Variants in CFAP74 observed in about 807,000 individuals in gnomAD.
The protein encoded by CFAP74 is cilia- and flagella-associated protein 74.
A neutral mutation model predicts 188.9 loss-of-function variants in CFAP74; 124 were observed. The ratio of observed to expected loss-of-function variants is 0.66; its 90% CI spans 0.57 to 0.76. The LOEUF is 0.76. Ranked by LOEUF, CFAP74 falls within the 30% of genes least tolerant of loss-of-function variation. CFAP74 has a pLI of 0.00. For synonymous variants in CFAP74, 956 were observed against 916.7 expected, an observed-to-expected ratio of 1.04 and a Z score of -0.77; for missense variants, 2,198 against 2,165.2, an observed-to-expected ratio of 1.02 and a Z score of -0.30.
In CFAP74 at chr1:1,986,977, C is replaced by G; in HGVS notation, c.355G>C (p.Val119Leu). 1 of 1,601,922 alleles carries G rather than the reference C, an allele frequency of 6.2e-7. No individual in the cohort carries two copies. The highest frequency in any genetic ancestry group is 8.5e-7 in the Non-Finnish European group (1 of 1,179,720). ...TCCTCTGTGGCGATCTCGGCTGCCA[C>G]AGCCTCCTGCTGCTTGTCGATCAGG... ...RDLIDKQQEAVAAEIATEEEA... is the reference protein window; with the variant it reads ...RDLIDKQQEALAAEIATEEEA... Residue 119 changes from valine (V) to leucine (L), a missense_variant, in exon 5 of 39, where the codon GTG (valine) becomes CTG (leucine). Transcript: ENST00000682832.
intron 1 of CFAP74, among the ~76,000 whole-genome samples, chr1:2,001,595 G>T (rs1022800533): frequency 6.6e-6 from 1 of 152,130 alleles, no homozygotes; most frequent in African/African-American, 2.4e-5. Context: ...CAAAGTGCTG[G>T]GATTACAGGC....
At chr1:1,966,130 G>A (rs1178321549) in intron 12 of CFAP74, among the ~76,000 whole-genome samples, 1 of 152,204 alleles carries the variant, frequency 6.6e-6, no homozygotes, top group African/African-American at 2.4e-5. Flanking sequence ...GTCTGTCAGG[G>A]GGAGCTTGGG....
chr1:1,946,991 TC>T lies in CFAP74; in HGVS notation c.2239del (p.Glu747ArgfsTer2). The T allele has an allele frequency of 2.6e-6, 4 of 1,534,662 alleles. No individual in the cohort carries two copies. Among genetic ancestry groups the T allele is most frequent in the Non-Finnish European group, 3.5e-6 (4 of 1,145,684 alleles). The part of the protein sequence containing the change: ...SEEQTEITLG[E>X]VTEGEIGPFS... ...ATTTTAGGGCCTGAGCTGGCTGACC[TC>T]CCCCAGCGTGATCTCCGTCTGCTCT... is the stretch of plus-strand genomic sequence containing the variant. On this transcript the variant is annotated frameshift_variant and splice_region_variant, in exon 19 of 39. Coordinates refer to ENST00000682832, the MANE Select transcript of CFAP74 (RefSeq NM_001304360.2). LOFTEE classifies it high-confidence loss of function.
At chr1:1,922,874 C>T (rs559859113) in intron 37 of CFAP74, 111 bp downstream of exon 37, 37 of 1,491,026 alleles carry the variant, frequency 2.5e-5, no homozygotes, top group South Asian at 6.7e-5. Flanking sequence ...GAGAAAAGCC[C>T]GGCTGTCAGG....
rs1283099694 is a variant in CFAP74, at chr1:1,924,534, G to A, written c.4105-14C>T. On this transcript the variant is annotated splice_polypyrimidine_tract_variant and intron_variant, in intron 33 of 38. Coordinates refer to ENST00000682832, the MANE Select transcript of CFAP74 (RefSeq NM_001304360.2). ...GTTGTTCTGCAGCTGCAGAGAGCAG[G>A]CCGCGGTCACTGCCCGCCAGCCCCT... 6.3e-7 allele frequency: 1 copy of A among 1,598,486 alleles called. No homozygotes were observed. Among genetic ancestry groups the A allele is most frequent in the African/African-American group, 1.3e-5 (1 of 74,322 alleles).
intron 1 of CFAP74, among the ~76,000 whole-genome samples, chr1:1,993,855 G>T (rs976242617): frequency 6.6e-6 from 1 of 150,702 alleles, no homozygotes; most frequent in Non-Finnish European, 1.5e-5. Flanking sequence ...GGTGGCGGGC[G>T]CCTATAGTCC....
intron 8 of CFAP74, among the ~76,000 whole-genome samples, chr1:1,972,379 C>T (rs1025943841): frequency 3.9e-5 from 6 of 152,332 alleles, no homozygotes; most frequent in South Asian, 2.1e-4. Flanking sequence ...AAGGTGCTGG[C>T]GCAGAGGCCG....
intron 1 of CFAP74, among the ~76,000 whole-genome samples, chr1:2,000,403 T>G (rs145634070): frequency 2.2e-3 from 334 of 152,292 alleles, no homozygotes; most frequent in Non-Finnish European, 4.0e-3. Context: ...GAGATCATCC[T>G]GCCTATGGCA....
At chr1:1,993,787 C>A (rs903695614) in intron 1 of CFAP74, among the ~76,000 whole-genome samples, 7 of 10,472 alleles carry the variant, frequency 6.7e-4, no homozygotes, top group Non-Finnish European at 1.4e-3. Flanking sequence ...TCGAGACCAT[C>A]CTGGCTAACA....
chr1:1,996,123 T>C (rs1657902796), intron 1 of CFAP74, among the ~76,000 whole-genome samples: 1 of 152,018 alleles, frequency 6.6e-6, no homozygotes, highest in Non-Finnish European at 1.5e-5. Flanking sequence ...CAGCTGGGAT[T>C]ACAGGCACAG....
At chr1:1,993,897 G>T (rs1469290377) in intron 1 of CFAP74, among the ~76,000 whole-genome samples, 10 of 150,930 alleles carry the variant, frequency 6.6e-5, no homozygotes, top group Non-Finnish European at 1.2e-4. Context: ...CAGGAGAATG[G>T]CGTGAACCCG....
intron 25 of CFAP74, among the ~76,000 whole-genome samples, chr1:1,935,638 G>A (rs923436880): frequency 3.9e-5 from 6 of 151,968 alleles, no homozygotes; most frequent in African/African-American, 9.7e-5. Flanking sequence ...TGACAGTGAC[G>A]GGCTCTGGGG....
At chr1:1,949,786 C>A (rs536738906) in intron 18 of CFAP74, among the ~76,000 whole-genome samples, 8 of 152,228 alleles carry the variant, frequency 5.3e-5, no homozygotes, top group Admixed American at 5.2e-4. Flanking sequence ...CAGTCTTTTG[C>A]GTCTGAGTTC....
In CFAP74 at chr1:1,922,252, G is replaced by A. The variant is rs1651438547; in HGVS notation, c.*35C>T. ...TCAGCCTGGGGAGGGCTTTGAGGGT[G>A]GACAGGAGGGCCCGAGGGTGCTCTG... On this transcript the variant is annotated 3_prime_UTR_variant, in exon 39 of 39. Coordinates refer to ENST00000682832, the MANE Select transcript of CFAP74 (RefSeq NM_001304360.2). 1.3e-6 allele frequency: 2 copies of A among 1,530,512 alleles called. No homozygotes were observed. The highest frequency in any genetic ancestry group is 2.3e-5 in the South Asian group (2 of 88,624). 94.8% of individuals were successfully genotyped at this position (1,530,512 alleles called of 1,614,324 possible).
intron 16 of CFAP74, 84 bp downstream of exon 16, chr1:1,959,036 C>T (rs550801949): frequency 5.4e-6 from 5 of 930,250 alleles, no homozygotes; most frequent in African/African-American, 4.9e-5. Flanking sequence ...CAACCTGCAC[C>T]CCCTCCCAGG....
intron 25 of CFAP74, among the ~76,000 whole-genome samples, chr1:1,931,143 T>TA (rs750763154): frequency 2.6e-5 from 4 of 152,296 alleles, no homozygotes; most frequent in African/African-American, 9.6e-5. Context: ...AAAAATTCTT[T>TA]AAAAAGGCTG....
chr1:1,948,993 C>CCCTT (rs1558015192), intron 18 of CFAP74, among the ~76,000 whole-genome samples: 8 of 62,356 alleles, frequency 1.3e-4, no homozygotes, highest in African/African-American at 1.9e-4. Context: ...TCCTTTCCTT[C>CCCTT]ATTCCCTTCC....
At position 1,964,899 on chromosome 1, in the gene CFAP74, G is replaced by C. The variant is rs1417095257; in HGVS notation, c.1564C>G (p.Leu522Val). Reference sequence around the variant, plus strand: ...AGCTGCGGGCTCACCTGGAAGTGGAGGAGCTCCGGTTTGCTGTTGAAGGGG... The same window carrying C: ...AGCTGCGGGCTCACCTGGAAGTGGACGAGCTCCGGTTTGCTGTTGAAGGGG... The part of the protein sequence containing the change: ...GRPFNSKPEL[L>V]HFQDFDIGKV... The change falls in exon 13 of 39, where the codon CTC (leucine) becomes GTC (valine). Residue 522 changes from leucine to valine, a missense_variant. Transcript: ENST00000682832. 1.2e-6 allele frequency: 2 copies of C among 1,613,694 alleles called. No individual in the cohort carries two copies. Among genetic ancestry groups the C allele is most frequent in the East Asian group, 4.5e-5 (2 of 44,876 alleles).
intron 6 of CFAP74, chr1:1,984,304 T>C (rs1657099157): frequency 6.6e-6 from 1 of 151,716 alleles, no homozygotes; most frequent in African/African-American, 2.4e-5. Flanking sequence ...CAAAAACTTT[T>C]TTTTTTTTTT....
Sources: gnomAD v4.1 joint callset for allele counts (sites outside exome capture counted in the v4.1 genomes callset) on GRCh38, gnomAD v4.1.1 for gene constraint, MANE v1.5 for transcripts, NCBI Gene and HGNC (gene_info 2026-07-23, HGNC 2026-07-21) for gene names.